The following CIMAP1D variants were observed in gnomAD, a reference collection of about 807,000 sequenced individuals.
CIMAP1D encodes the protein protein CIMAP1D.
chr19:472,362 G>GT, the CIMAP1D span: 16 of 1,277,380 alleles, frequency 1.3e-5, no homozygotes, highest in East Asian at 4.6e-4. Flanking sequence ...GAGGATCAGG[G>GT]AAGCCTCCAG....
chr19:478,202 C>T, the CIMAP1D span, among the ~76,000 whole-genome samples: 3 of 152,206 alleles, frequency 2.0e-5, no homozygotes, highest in East Asian at 3.9e-4. Flanking sequence ...CAAAACCAGC[C>T]GAAGTGCAGG....
At chr19:480,603 GGGGAAGGATGAT>G in the CIMAP1D span, among the ~76,000 whole-genome samples, 2 of 142,064 alleles carry the variant, frequency 1.4e-5, no homozygotes, top group African/African-American at 5.4e-5. Flanking sequence ...GGAAGGTGAT[GGGGAAGGATGAT>G]GGGAAGGATG....
At chr19:468,723 G>C in the CIMAP1D span, among the ~76,000 whole-genome samples, 1 of 152,188 alleles carries the variant, frequency 6.6e-6, no homozygotes, top group Non-Finnish European at 1.5e-5. Flanking sequence ...CGGTGTTCAC[G>C]GCCCCACAGA....
the CIMAP1D span, chr19:467,740 C>G: frequency 6.2e-7 from 1 of 1,606,530 alleles, no homozygotes; most frequent in Non-Finnish European, 8.5e-7. Flanking sequence ...AGATGGGGCC[C>G]GGGCTGGTGT....
At chr19:463,863 A>C in the CIMAP1D span, 6 of 1,609,656 alleles carry the variant, frequency 3.7e-6, no homozygotes, top group African/African-American at 4.0e-5. Context: ...GCGGCCGGGC[A>C]GCCTGTGCCC....
At chr19:475,631 G>A in the CIMAP1D span, among the ~76,000 whole-genome samples, 2 of 152,182 alleles carry the variant, frequency 1.3e-5, no homozygotes, top group Non-Finnish European at 2.9e-5. Flanking sequence ...ATGCCTCCGA[G>A]ATTTAAACCA....
the CIMAP1D span, among the ~76,000 whole-genome samples, chr19:481,991 G>T: frequency 1.3e-5 from 2 of 151,980 alleles, no homozygotes; most frequent in Non-Finnish European, 2.9e-5. Context: ...GCCCAGGCTG[G>T]TCTTTAACTC....
the CIMAP1D span, among the ~76,000 whole-genome samples, chr19:469,223 CT>C: frequency 2.5e-3 from 362 of 143,216 alleles, no homozygotes; most frequent in Middle Eastern, 3.6e-3. Flanking sequence ...TGGGGAGATT[CT>C]TTTTTTTTTT....
At chr19:472,750 T>C in the CIMAP1D span, 1 of 507,230 alleles carries the variant, frequency 2.0e-6, no homozygotes, top group Non-Finnish European at 3.5e-6. Flanking sequence ...ACAGGGAGAC[T>C]GGGGCCTGAG....
chr19:472,382 C>A, the CIMAP1D span: 2 of 1,448,624 alleles, frequency 1.4e-6, no homozygotes, highest in Admixed American at 2.6e-5. Flanking sequence ...GCCGCCCACT[C>A]GCCCGCCTTA....
the CIMAP1D span, among the ~76,000 whole-genome samples, chr19:467,082 T>C: frequency 2.7e-5 from 3 of 110,572 alleles, no homozygotes; most frequent in Non-Finnish European, 3.5e-5. Flanking sequence ...GGTGGATGGA[T>C]GAGTGGATGG....
At chr19:466,299 G>A in the CIMAP1D span, among the ~76,000 whole-genome samples, 1 of 134,624 alleles carries the variant, frequency 7.4e-6, no homozygotes, top group Admixed American at 7.7e-5. Context: ...GGATGGATGA[G>A]TGGATGGATG....
the CIMAP1D span, among the ~76,000 whole-genome samples, chr19:484,703 C>T: frequency 1.3e-3 from 205 of 152,054 alleles, no homozygotes; most frequent in African/African-American, 4.5e-3. Flanking sequence ...CCTGGCGAGG[C>T]GGAGGAGCGA....
chr19:477,173 A>C, the CIMAP1D span, among the ~76,000 whole-genome samples: 6 of 152,348 alleles, frequency 3.9e-5, no homozygotes, highest in African/African-American at 1.2e-4. Context: ...GTGCCACTGC[A>C]CTCCAGCCTA....
the CIMAP1D span, among the ~76,000 whole-genome samples, chr19:471,683 G>A: frequency 6.6e-6 from 1 of 151,508 alleles, no homozygotes; most frequent in Non-Finnish European, 1.5e-5. Context: ...CAACAGGCCT[G>A]TATGGAGTCT....
chr19:474,989 C>G, the CIMAP1D span: 1 of 403,164 alleles, frequency 2.5e-6, no homozygotes, highest in Admixed American at 4.4e-5. Context: ...CGAGTGTCGG[C>G]CAGGCGGCTG....
chr19:481,985 A>C, the CIMAP1D span, among the ~76,000 whole-genome samples: 1 of 151,998 alleles, frequency 6.6e-6, no homozygotes, highest in Admixed American at 6.6e-5. Flanking sequence ...TATGTTGCCC[A>C]GGCTGGTCTT....
the CIMAP1D span, among the ~76,000 whole-genome samples, chr19:483,548 T>C: frequency 0.87 from 132,439 of 152,230 alleles, 57,831 homozygotes; most frequent in East Asian, 1. Flanking sequence ...ACCCAGGTGA[T>C]TGCCCCCAGG....
chr19:488,397 C>A, the CIMAP1D span, among the ~76,000 whole-genome samples: 6 of 152,294 alleles, frequency 3.9e-5, no homozygotes, highest in African/African-American at 1.4e-4. Flanking sequence ...TGGCAGGCGC[C>A]TGTAGTCCCA....
Sources: gnomAD v4.1 joint callset for allele counts (sites outside exome capture counted in the v4.1 genomes callset) on GRCh38, gnomAD v4.1.1 for gene constraint, MANE v1.5 for transcripts, NCBI Gene and HGNC (gene_info 2026-07-23, HGNC 2026-07-21) for gene names.